CSMD3: variants seen among roughly 807,000 people sequenced by gnomAD.
CSMD3 encodes the protein CUB and Sushi multiple domains 3.
Under a neutral mutation model 435.2 loss-of-function variants are expected in CSMD3, and 177 were observed. The ratio of observed to expected loss-of-function variants is 0.41; its 90% CI spans 0.36 to 0.46. The LOEUF is 0.46. Ranked by LOEUF, CSMD3 falls within the 20% of genes least tolerant of loss-of-function variation. The probability of loss-of-function intolerance (pLI) is 0.34; values close to 1 mark genes in which losing one functional copy is unlikely to be tolerated. For missense variants in CSMD3, 4,265 were observed against 4,504.6 expected, an observed-to-expected ratio of 0.95 and a Z score of 1.52; for synonymous variants, 1,656 against 1,520.5, an observed-to-expected ratio of 1.09 and a Z score of -2.07.
chr8:113,105,517 G>T (rs1453083545), intron 4 of CSMD3, among the ~76,000 whole-genome samples: 1 of 152,116 alleles, frequency 6.6e-6, no homozygotes, highest in Admixed American at 6.5e-5. Flanking sequence ...ACTAATAAAT[G>T]CATGCAATTG....
chr8:112,403,247 A>G (rs945007212), intron 35 of CSMD3, among the ~76,000 whole-genome samples: 1 of 152,316 alleles, frequency 6.6e-6, no homozygotes, highest in Admixed American at 6.5e-5. Flanking sequence ...AGAAAAACTT[A>G]GTTTTAAATC....
At chr8:113,263,601 C>T (rs142166732) in intron 3 of CSMD3, among the ~76,000 whole-genome samples, 20 of 151,832 alleles carry the variant, frequency 1.3e-4, no homozygotes, top group African/African-American at 3.1e-4. Context: ...CAAATGAAAA[C>T]GACTTTTGGG....
chr8:112,303,193 T>G (rs185193421), intron 52 of CSMD3, among the ~76,000 whole-genome samples: 1 of 152,212 alleles, frequency 6.6e-6, no homozygotes, highest in Admixed American at 6.6e-5. Flanking sequence ...AACAATAATT[T>G]GGAAAAAACA....
intron 10 of CSMD3, among the ~76,000 whole-genome samples, chr8:112,914,948 A>G (rs1014060375): frequency 2.6e-5 from 4 of 152,038 alleles, no homozygotes; most frequent in East Asian, 3.9e-4. Context: ...CCAACTTTTT[A>G]TGTGATCAGA....
chr8:112,730,129 GT>G (rs921853162), intron 13 of CSMD3, among the ~76,000 whole-genome samples: 1 of 151,962 alleles, frequency 6.6e-6, no homozygotes, highest in Non-Finnish European at 1.5e-5. Context: ...TTTCCATTTT[GT>G]TTTTGTTTGT....
intron 12 of CSMD3, among the ~76,000 whole-genome samples, chr8:112,811,769 C>T (rs916211344): frequency 2.0e-5 from 3 of 152,042 alleles, no homozygotes; most frequent in East Asian, 1.9e-4. Flanking sequence ...TTTTGTGAAG[C>T]GGATTCATTG....
intron 9 of CSMD3, among the ~76,000 whole-genome samples, chr8:112,940,970 A>G (rs1008638288): frequency 6.6e-6 from 1 of 151,832 alleles, no homozygotes; most frequent in Non-Finnish European, 1.5e-5. Context: ...ATACAGAAAC[A>G]TGAATACTCA....
intron 4 of CSMD3, among the ~76,000 whole-genome samples, chr8:113,162,911 T>C (rs1370738580): frequency 6.6e-6 from 1 of 152,144 alleles, no homozygotes; most frequent in African/African-American, 2.4e-5. Flanking sequence ...CGTTAAAATT[T>C]TCAGATGCCT....
At chr8:112,722,369 T>C (rs916798551) in intron 13 of CSMD3, among the ~76,000 whole-genome samples, 3 of 152,118 alleles carry the variant, frequency 2.0e-5, no homozygotes, top group African/African-American at 7.2e-5. Flanking sequence ...TAGATAACAT[T>C]GGTGATTGAA....
intron 3 of CSMD3, among the ~76,000 whole-genome samples, chr8:113,231,551 G>C (rs1467811740): frequency 6.6e-6 from 1 of 151,302 alleles, no homozygotes; most frequent in Non-Finnish European, 1.5e-5. Context: ...AATTTATTGT[G>C]ATCAATTTTA....
chr8:112,391,440 G>T (rs531274053), intron 35 of CSMD3, among the ~76,000 whole-genome samples: 12 of 152,160 alleles, frequency 7.9e-5, no homozygotes, highest in Admixed American at 2.0e-4. Flanking sequence ...GCTCACGCCT[G>T]TAATCCTACC....
chr8:112,667,332 T>C (rs1349261560), intron 16 of CSMD3, among the ~76,000 whole-genome samples: 1 of 152,144 alleles, frequency 6.6e-6, no homozygotes, highest in Admixed American at 6.6e-5. Flanking sequence ...AACTAGAAGC[T>C]AGAAGTATTC....
chr8:112,282,614 T>C (rs1397123679), intron 58 of CSMD3, among the ~76,000 whole-genome samples: 1 of 152,108 alleles, frequency 6.6e-6, no homozygotes, highest in Non-Finnish European at 1.5e-5. Context: ...TTTCAAGATA[T>C]GGCCAAATCG....
intron 8 of CSMD3, among the ~76,000 whole-genome samples, chr8:112,950,266 T>C (rs963555272): frequency 3.9e-5 from 6 of 151,922 alleles, no homozygotes; most frequent in Non-Finnish European, 8.8e-5. Flanking sequence ...TGTGAAAAAA[T>C]ATCCTCTTTC....
At chr8:112,675,912 T>C (rs2075761026) in intron 16 of CSMD3, among the ~76,000 whole-genome samples, 2 of 152,052 alleles carry the variant, frequency 1.3e-5, no homozygotes, top group East Asian at 1.9e-4. Context: ...TAAGAAATAT[T>C]TGGGTTTTGA....
At chr8:113,023,704 C>T (rs937212372) in intron 5 of CSMD3, among the ~76,000 whole-genome samples, 1 of 152,048 alleles carries the variant, frequency 6.6e-6, no homozygotes, top group African/African-American at 2.4e-5. Flanking sequence ...AGACAAAGTT[C>T]CATGGTTAAG....
At chr8:112,342,727 A>AT (rs1471405517) in intron 41 of CSMD3, among the ~76,000 whole-genome samples, 4 of 151,894 alleles carry the variant, frequency 2.6e-5, no homozygotes, top group East Asian at 1.9e-4. Flanking sequence ...TTACTAAATG[A>AT]TTTTTTAAAC....
At chr8:113,133,698 A>G (rs918056089) in intron 4 of CSMD3, among the ~76,000 whole-genome samples, 3 of 152,152 alleles carry the variant, frequency 2.0e-5, no homozygotes, top group Non-Finnish European at 2.9e-5. Context: ...TGGATGAATA[A>G]GTGGATAAAC....
At chr8:113,334,811 C>T (rs779358999) in intron 1 of CSMD3, among the ~76,000 whole-genome samples, 10 of 151,804 alleles carry the variant, frequency 6.6e-5, no homozygotes, top group Non-Finnish European at 1.0e-4. Flanking sequence ...TTTAAGGAAT[C>T]GGTGCATTTT....
Sources: gnomAD v4.1 joint callset for allele counts (sites outside exome capture counted in the v4.1 genomes callset) on GRCh38, gnomAD v4.1.1 for gene constraint, MANE v1.5 for transcripts, NCBI Gene and HGNC (gene_info 2026-07-23, HGNC 2026-07-21) for gene names.